Variants in FGF14 observed in about 807,000 individuals in gnomAD.
The protein encoded by FGF14 is fibroblast growth factor 14, also known as fibroblast growth factor homologous factor 4.
A neutral mutation model predicts 25.5 loss-of-function variants in FGF14; 5 were observed. The ratio of observed to expected loss-of-function variants is 0.20; its 90% CI spans 0.10 to 0.41. The LOEUF is 0.41. Among genes scored for constraint, FGF14 ranks in the 10% least tolerant of loss-of-function variants. The pLI is 1.00. For synonymous variants in FGF14, 138 were observed against 118.3 expected, an observed-to-expected ratio of 1.17 and a Z score of -1.08; for missense variants, 222 against 320.1, an observed-to-expected ratio of 0.69 and a Z score of 2.34.
Position 101,746,676 on chromosome 13 carries a change from A to T in FGF14, c.409-19866T>A, listed in dbSNP as rs527507617. 2.0e-5 allele frequency among the ~76,000 whole-genome samples: 3 copies of T among 152,130 alleles called. 1 individual carries two copies. The highest frequency in any genetic ancestry group is 2.0e-4 in the Admixed American group (3 of 15,232). ...GTTTGTGTGATGATCAACAGTAGGT[A>T]GGCAGGAGCATGAGAAGGCACTTTA... is the stretch of plus-strand genomic sequence containing the variant. On this transcript the variant is annotated intron_variant, in intron 3 of 4. Transcript: ENST00000376143.
chr13:101,834,402 G>A (rs1370886577), intron 3 of FGF14, among the ~76,000 whole-genome samples: 2 of 152,022 alleles, frequency 1.3e-5, no homozygotes, highest in African/African-American at 2.4e-5. Flanking sequence ...ATATGTGGTG[G>A]TCCATAGCTA....
At chr13:101,736,376 A>G (rs1410287952) in intron 3 of FGF14, among the ~76,000 whole-genome samples, 1 of 152,224 alleles carries the variant, frequency 6.6e-6, no homozygotes, top group Non-Finnish European at 1.5e-5. Context: ...TCTGCAATAA[A>G]GCAAGTACAG....
At position 101,835,556 on chromosome 13, in the gene FGF14, G is replaced by A. The variant is rs1373969683; in HGVS notation, c.408+33169C>T. Among the ~76,000 whole-genome samples, 78 of 151,926 alleles carry A rather than the reference G, an allele frequency of 5.1e-4. 1 individual carries two copies. Among genetic ancestry groups the A allele is most frequent in the Non-Finnish European group, 1.0e-4 (7 of 67,972 alleles). Reference sequence around the variant, plus strand: ...GACTTTTTTTGATATGATTTTAGCTGTAGCCGAATATCAAGGGTAAAATAG... The same window carrying A: ...GACTTTTTTTGATATGATTTTAGCTATAGCCGAATATCAAGGGTAAAATAG... On this transcript the variant is annotated intron_variant, in intron 3 of 4. Transcript: ENST00000376143.
At chr13:102,189,757 C>T (rs912460020) in intron 1 of FGF14, among the ~76,000 whole-genome samples, 3 of 152,106 alleles carry the variant, frequency 2.0e-5, no homozygotes, top group Non-Finnish European at 4.4e-5. Flanking sequence ...AGCATGGCAC[C>T]AGCATCTGCT....
intron 1 of FGF14, among the ~76,000 whole-genome samples, chr13:101,994,728 T>C (rs2039089389): frequency 6.6e-6 from 1 of 152,054 alleles, no homozygotes; most frequent in African/African-American, 2.4e-5. Context: ...TATGAGCTAA[T>C]ATAAACACAT....
intron 3 of FGF14, among the ~76,000 whole-genome samples, chr13:101,864,089 T>C (rs2044568225): frequency 1.3e-5 from 2 of 152,162 alleles, no homozygotes; most frequent in African/African-American, 4.8e-5. Flanking sequence ...GAGGAATACA[T>C]AGCATTTATC....
At chr13:101,992,169 C>T (rs1566543726) in intron 1 of FGF14, among the ~76,000 whole-genome samples, 1 of 152,058 alleles carries the variant, frequency 6.6e-6, no homozygotes, top group African/African-American at 2.4e-5. Flanking sequence ...CATATAAAAA[C>T]AGAGGATTAT....
intron 3 of FGF14, among the ~76,000 whole-genome samples, chr13:101,770,513 C>T (rs1163228287): frequency 1.3e-5 from 2 of 151,994 alleles, no homozygotes; most frequent in East Asian, 3.9e-4. Flanking sequence ...TAGTATTAGT[C>T]CTATTATCTC....
intron 1 of FGF14, among the ~76,000 whole-genome samples, chr13:102,151,290 A>T (rs1293671376): frequency 6.6e-6 from 1 of 152,124 alleles, no homozygotes; most frequent in African/African-American, 2.4e-5. Flanking sequence ...TGCCATGTTG[A>T]TTATGTGATG....
intron 1 of FGF14, among the ~76,000 whole-genome samples, chr13:102,243,556 T>C (rs2051708295): frequency 6.6e-6 from 1 of 151,700 alleles, no homozygotes; most frequent in Non-Finnish European, 1.5e-5. Context: ...TAAGTTGGGG[T>C]ATCAGTGTGA....
chr13:102,256,706 A>T (rs1178818489), intron 1 of FGF14, among the ~76,000 whole-genome samples: 1 of 152,224 alleles, frequency 6.6e-6, no homozygotes, highest in African/African-American at 2.4e-5. Flanking sequence ...TATATAACTT[A>T]CTAGTAATTG....
chr13:101,916,325 T>C, intron 1 of FGF14, 128 bp downstream of exon 1: 2 of 1,152,800 alleles, frequency 1.7e-6, no homozygotes, highest in Non-Finnish European at 2.6e-6. Flanking sequence ...GCACCCAGAG[T>C]GCTCAGAAGG....
intron 3 of FGF14, among the ~76,000 whole-genome samples, chr13:101,821,004 G>A (rs1199350313): frequency 6.1e-5 from 9 of 147,578 alleles, no homozygotes; most frequent in Admixed American, 5.4e-4. Context: ...CTGGAGTGCA[G>A]TGGCATGATC....
chr13:102,043,159 A>G (rs1361213605), intron 1 of FGF14, among the ~76,000 whole-genome samples: 1 of 152,222 alleles, frequency 6.6e-6, no homozygotes, highest in Non-Finnish European at 1.5e-5. Context: ...ATGTCCATTC[A>G]TACGCATATA....
chr13:102,091,431 G>C (rs1261717774), intron 1 of FGF14, among the ~76,000 whole-genome samples: 2 of 149,740 alleles, frequency 1.3e-5, no homozygotes, highest in African/African-American at 4.8e-5. Flanking sequence ...TGTGGATCTT[G>C]TGAGCATCAC....
At position 102,374,109 on chromosome 13, in the gene FGF14, A is replaced by C. The variant is rs146971503; in HGVS notation, c.208+27362T>G. Among the ~76,000 whole-genome samples the C allele has an allele frequency of 4.1e-3, 618 of 152,280 alleles. 3 individuals are homozygous for C. Among genetic ancestry groups the C allele is most frequent in the South Asian group, 0.032 (154 of 4,826 alleles). On this transcript the variant is annotated intron_variant, in intron 1 of 4. Transcript: ENST00000376131. ...ATTGTACATGTGACCCTACTATGAC[A>C]TCGTACTAAAGCAGACCTGAAATGT...
chr13:102,201,921 G>T (rs527356058), intron 1 of FGF14, among the ~76,000 whole-genome samples: 1 of 152,148 alleles, frequency 6.6e-6, no homozygotes, highest in African/African-American at 2.4e-5. Context: ...ATAATCCCCA[G>T]TGTTGGATGT....
At chr13:102,198,857 A>G (rs1018534625) in intron 1 of FGF14, among the ~76,000 whole-genome samples, 1 of 152,202 alleles carries the variant, frequency 6.6e-6, no homozygotes, top group Non-Finnish European at 1.5e-5. Flanking sequence ...GGACATCCTC[A>G]GTAGTTCCAA....
chr13:101,853,946 G>A (rs1214987155), intron 3 of FGF14, among the ~76,000 whole-genome samples: 2 of 151,772 alleles, frequency 1.3e-5, no homozygotes, highest in Non-Finnish European at 1.5e-5. Flanking sequence ...ATGCATTGAC[G>A]GCTCTATTTT....
Sources: gnomAD v4.1 joint callset for allele counts (sites outside exome capture counted in the v4.1 genomes callset) on GRCh38, gnomAD v4.1.1 for gene constraint, MANE v1.5 for transcripts, NCBI Gene and HGNC (gene_info 2026-07-23, HGNC 2026-07-21) for gene names.